Variants in PLA2G4C observed in about 807,000 individuals in gnomAD.
PLA2G4C encodes phospholipase A2 group IVC.
A neutral mutation model predicts 73.8 loss-of-function variants in PLA2G4C; 64 were observed. The observed-to-expected ratio is 0.87, with a 90% CI of 0.71 to 1.07. The LOEUF (loss-of-function observed/expected upper bound fraction) is 1.07. Among genes scored for constraint, PLA2G4C ranks in the 50% least tolerant of loss-of-function variants. The pLI, the probability that PLA2G4C is intolerant of heterozygous loss-of-function variation, is 0.00. For synonymous variants in PLA2G4C, 254 were observed against 252.1 expected (o/e 1.01, Z -0.07); for missense variants, 622 against 665.4 (o/e 0.93, Z 0.72).
At chr19:48,083,647 A>G (rs1035847230) in intron 10 of PLA2G4C, among the ~76,000 whole-genome samples, 3 of 151,550 alleles carry the variant, frequency 2.0e-5, no homozygotes, top group Admixed American at 6.6e-5. Context: ...GGGTTTCTCC[A>G]CGTTGGTCAG....
At chr19:48,077,965 A>G (rs1454426047) in intron 10 of PLA2G4C, 141 bp from the exon 11 acceptor site, 2 of 602,698 alleles carry the variant, frequency 3.3e-6, no homozygotes, top group Non-Finnish European at 5.6e-6. Flanking sequence ...TGGAGAGCTA[A>G]TTTTGTACCC....
At chr19:48,049,597 T>C (rs1175482504) in intron 16 of PLA2G4C, among the ~76,000 whole-genome samples, 1 of 152,132 alleles carries the variant, frequency 6.6e-6, no homozygotes, top group Non-Finnish European at 1.5e-5. Flanking sequence ...CTAGCAGGCA[T>C]CCAGGAAATG....
chr19:48,051,149 A>G (rs1568418747), intron 16 of PLA2G4C, among the ~76,000 whole-genome samples: 1 of 152,170 alleles, frequency 6.6e-6, no homozygotes, highest in East Asian at 1.9e-4. Flanking sequence ...TAGAAGCAAG[A>G]GGCTGAAGGA....
At chr19:48,076,745 A>G (rs916007982) in intron 11 of PLA2G4C, among the ~76,000 whole-genome samples, 2 of 148,280 alleles carry the variant, frequency 1.3e-5, no homozygotes, top group Admixed American at 6.7e-5. Flanking sequence ...TCTGTCTCCA[A>G]AAAAAAAAAA....
At chr19:48,100,058 G>A in intron 4 of PLA2G4C, 198 bp from the exon 5 acceptor site, 2 of 485,350 alleles carry the variant, frequency 4.1e-6, no homozygotes, top group South Asian at 3.5e-5. Context: ...AAATCATCTG[G>A]GACAATCCTT....
In PLA2G4C at chr19:48,099,808, C is replaced by G. The variant is rs374427735; in HGVS notation, c.310G>C (p.Asp104His). 6.2e-7 allele frequency: 1 copy of G among 1,613,804 alleles called. No homozygotes were observed. The highest frequency in any genetic ancestry group is 8.5e-7 in the Non-Finnish European group (1 of 1,179,878). Residue 104 changes from aspartate (D) to histidine (H), a missense_variant, in exon 5 of 17, where the codon GAC (aspartate) becomes CAC (histidine). Coordinates refer to ENST00000599921, the MANE Select transcript of PLA2G4C (RefSeq NM_003706.3). ...NDGDMEALEADLKHRFTRQEW... is the reference protein window; with the variant it reads ...NDGDMEALEAHLKHRFTRQEW... ...TGTCGGGTAAATCGATGTTTCAGGT[C>G]AGCCTCGAGAGCTTCCATGTCACCA...
intron 10 of PLA2G4C, among the ~76,000 whole-genome samples, chr19:48,082,815 C>CTTTTTTTTTTTTTT (rs936169612): frequency 8.3e-6 from 1 of 120,506 alleles, no homozygotes; most frequent in Non-Finnish European, 1.7e-5. Flanking sequence ...TTCTTTCTTT[C>CTTTTTTTTTTTTTT]TTTTTTTTTT....
At chr19:48,108,724 T>G (rs900285016) in intron 1 of PLA2G4C, 3 of 151,944 alleles carry the variant, frequency 2.0e-5, no homozygotes, top group Admixed American at 1.3e-4. Flanking sequence ...AGGTCAGGAG[T>G]TGGAGACCAG....
chr19:48,050,733 G>A (rs1023526396), intron 16 of PLA2G4C, among the ~76,000 whole-genome samples: 2 of 138,052 alleles, frequency 1.4e-5, no homozygotes, highest in Admixed American at 8.2e-5. Flanking sequence ...GGAGTGCAGT[G>A]GTGTGATCTG....
intron 6 of PLA2G4C, chr19:48,097,251 C>CTTCTTTTTTTTTT (rs1340148092): frequency 9.2e-5 from 8 of 86,576 alleles, no homozygotes; most frequent in African/African-American, 3.4e-4. Context: ...TTTCTTTTTT[C>CTTCTTTTTTTTTT]TTTTTTTTTT....
Position 48,109,397 on chromosome 19 carries a change from G to A in PLA2G4C, c.-33+1090C>T, listed in dbSNP as rs531064934. On this transcript the variant is annotated intron_variant, in intron 1 of 16. Transcript: ENST00000599921. ...AGCGAGCCTCTCACCTCAGCCTCCC[G>A]AGTAGCTGGAAGTGCAGGTACATGC... is the stretch of plus-strand genomic sequence containing the variant. Among the ~76,000 whole-genome samples the A allele has an allele frequency of 3.9e-5, 6 of 152,044 alleles. 2 individuals are homozygous for A. Among genetic ancestry groups the A allele is most frequent in the South Asian group, 4.2e-4 (2 of 4,814 alleles).
intron 11 of PLA2G4C, among the ~76,000 whole-genome samples, chr19:48,075,976 G>A (rs779556252): frequency 6.6e-6 from 1 of 152,250 alleles, no homozygotes; most frequent in Non-Finnish European, 1.5e-5. Flanking sequence ...AGCCCGCCAT[G>A]TGGCAAGAAG....
rs2032200950 is a variant in PLA2G4C at position 48,105,941 on chromosome 19, C to CTTTCTTTCTTTCTTT, written c.9-498_9-497insAAAGAAAGAAAGAAA. The stretch of plus-strand genomic sequence containing the variant: ...TCCCTCCCTCCCTCCCTCCCTCCCT[C>CTTTCTTTCTTTCTTT]CCTCCCTTCTTTCTTTCTTTCTTTC... On this transcript the variant is annotated intron_variant, in intron 2 of 16. Transcript: ENST00000599921. Among the ~76,000 whole-genome samples the CTTTCTTTCTTTCTTT allele has an allele frequency of 2.0e-4, 2 of 9,906 alleles. 1 individual carries two copies. The highest frequency in any genetic ancestry group is 3.0e-4 in the Non-Finnish European group (2 of 6,582). 6.5% of individuals were successfully genotyped at this position (9,906 alleles called of 152,430 possible). A position where few individuals can be genotyped will look rare whatever the true frequency, so the allele number is the denominator to read the frequency against.
At chr19:48,108,734 G>A (rs1442854336) in intron 1 of PLA2G4C, 1 of 152,230 alleles carries the variant, frequency 6.6e-6, no homozygotes, top group Non-Finnish European at 1.5e-5. Flanking sequence ...TTGGAGACCA[G>A]CCTGGCCAAC....
intron 5 of PLA2G4C, 123 bp from the exon 6 acceptor site, chr19:48,098,382 G>T: frequency 1.2e-6 from 1 of 868,100 alleles, no homozygotes; most frequent in Non-Finnish European, 1.7e-6. Context: ...CTGGAGTGCA[G>T]TGGTACAATA....
At chr19:48,082,236 A>C (rs1042250652) in intron 10 of PLA2G4C, among the ~76,000 whole-genome samples, 4 of 151,908 alleles carry the variant, frequency 2.6e-5, no homozygotes, top group Non-Finnish European at 5.9e-5. Context: ...TCAAAAAAAA[A>C]CAAAAAAATC....
At chr19:48,058,497 AATTTACTGTC>A (rs1385169279) in intron 14 of PLA2G4C, among the ~76,000 whole-genome samples, 3 of 152,116 alleles carry the variant, frequency 2.0e-5, no homozygotes, top group Non-Finnish European at 2.9e-5. Flanking sequence ...ATTACAGAGG[AATTTACTGTC>A]ATAAGTACCT....
chr19:48,083,924 G>A (rs1017205126), intron 10 of PLA2G4C, among the ~76,000 whole-genome samples: 1 of 152,020 alleles, frequency 6.6e-6, no homozygotes, highest in Admixed American at 6.6e-5. Flanking sequence ...TTACATAGGT[G>A]AGTCACGCAT....
intron 14 of PLA2G4C, among the ~76,000 whole-genome samples, chr19:48,060,239 T>G (rs779898314): frequency 1.2e-4 from 18 of 152,168 alleles, no homozygotes; most frequent in Non-Finnish European, 2.2e-4. Context: ...CTGCCTAGTA[T>G]GTCAATATAC....
Sources: allele counts gnomAD v4.1 joint callset (sites outside exome capture counted in the v4.1 genomes callset), GRCh38; gene constraint gnomAD v4.1.1; transcripts MANE v1.5; gene names NCBI Gene and HGNC (gene_info 2026-07-23, HGNC 2026-07-21).